CAMK2G: variants seen among roughly 807,000 people sequenced by gnomAD.
The protein encoded by CAMK2G is calcium/calmodulin dependent protein kinase II gamma, also known as calcium/calmodulin-dependent protein kinase type II subunit gamma.
CAMK2G carries 23 observed loss-of-function variants against 88.7 expected under a neutral mutation model. The observed-to-expected ratio is 0.26, with a 90% confidence interval of 0.19 to 0.37. The LOEUF (loss-of-function observed/expected upper bound fraction) is 0.37. Among genes scored for constraint, CAMK2G ranks in the 10% least tolerant of loss-of-function variants. CAMK2G has a pLI of 1.00. For missense variants in CAMK2G, 476 were observed against 780.8 expected (o/e 0.61, Z 4.65); for synonymous variants, 263 against 294.8 (o/e 0.89, Z 1.11).
intron 3 of CAMK2G, among the ~76,000 whole-genome samples, chr10:73,853,792 A>T (rs1168106612): frequency 6.6e-6 from 1 of 152,212 alleles, no homozygotes; most frequent in Non-Finnish European, 1.5e-5. Context: ...CAACAATAAC[A>T]GCTTATTAAG....
chr10:73,842,019 G>A lies in CAMK2G; in HGVS notation c.946+150C>T. ...ATCTCAGGAGCAGGACTCAGCAGCAGCAGCAGCCCCTCAAAACAGGATCCT... is the reference window on the plus strand; with the variant it reads ...ATCTCAGGAGCAGGACTCAGCAGCAACAGCAGCCCCTCAAAACAGGATCCT... On this transcript the variant is annotated intron_variant, in intron 12 of 22. Transcript: ENST00000423381. The surrounding 1 kb of genome is among the most constrained non-coding windows in gnomAD (Gnocchi z 4.6). The A allele has an allele frequency of 4.3e-6, 3 of 702,790 alleles. No individual in the cohort carries two copies. The South Asian group carries it at 4.9e-5, about 11-fold the overall frequency. 43.5% of individuals were successfully genotyped at this position (702,790 alleles called of 1,614,324 possible). A position where few individuals can be genotyped will look rare whatever the true frequency, so the allele number is the denominator to read the frequency against.
chr10:73,816,104 TAA>T, intron 21 of CAMK2G: 1 of 985,418 alleles, frequency 1.0e-6, no homozygotes, highest in Non-Finnish European at 1.2e-6. Context: ...AGGCCCAGCA[TAA>T]AGTGGGAAGA....
intron 14 of CAMK2G, among the ~76,000 whole-genome samples, chr10:73,832,183 T>G (rs1256436062): frequency 6.6e-6 from 1 of 152,224 alleles, no homozygotes; most frequent in Non-Finnish European, 1.5e-5. Context: ...CATCACCTGG[T>G]GAAGTTACTG....
chr10:73,848,580 G>T lies in CAMK2G; in HGVS notation c.547C>A (p.Pro183Thr). The change falls in exon 8 of 23, where the codon CCT becomes ACT. Residue 183 changes from proline to threonine, a missense_variant. Pro to Thr is a conservative substitution (Grantham distance 38). Around this residue, in one of 3 missense-constraint regions of CAMK2G, gnomAD observed 164 missense variants for 385.6 expected, o/e 0.43. Transcript: ENST00000423381. The surrounding 1 kb of genome is among the most constrained non-coding windows in gnomAD (Gnocchi z 4.5). ...TAGGGATCTTTCCTCAAGACCTCAG[G>T]GGACAAGTAACCTGGGGTGCCAGCA... Reference protein sequence around the residue: ...GFAGTPGYLSPEVLRKDPYGK... With the variant: ...GFAGTPGYLSTEVLRKDPYGK... 1 of 1,612,384 alleles carries T rather than the reference G, an allele frequency of 6.2e-7. No homozygotes were observed.
At chr10:73,841,470 A>G (rs1316933306) in intron 12 of CAMK2G, among the ~76,000 whole-genome samples, 1 of 152,142 alleles carries the variant, frequency 6.6e-6, no homozygotes, top group Non-Finnish European at 1.5e-5. Context: ...GAAGGCAAAC[A>G]ATAATAGGGG....
At chr10:73,844,292 T>C (rs1590664532) in intron 10 of CAMK2G, among the ~76,000 whole-genome samples, 1 of 151,716 alleles carries the variant, frequency 6.6e-6, no homozygotes, top group African/African-American at 2.4e-5. Flanking sequence ...GGTTTTGCCA[T>C]GTTGCCCAGG....
At chr10:73,851,104 T>C (rs2094580353) in intron 5 of CAMK2G, among the ~76,000 whole-genome samples, 1 of 152,188 alleles carries the variant, frequency 6.6e-6, no homozygotes, top group African/African-American at 2.4e-5. Flanking sequence ...CACTTGAGAA[T>C]TCTTCCCGAG....
At chr10:73,860,194 T>C (rs535129690) in intron 3 of CAMK2G, among the ~76,000 whole-genome samples, 12 of 152,308 alleles carry the variant, frequency 7.9e-5, no homozygotes, top group Admixed American at 2.0e-4. Context: ...CCAGAGTGGG[T>C]TGAGGCAGGC....
rs549958040 is a variant in CAMK2G, at chr10:73,848,430, G to T, written c.601+96C>A. The T allele has an allele frequency of 2.4e-6, 2 of 820,510 alleles. No homozygotes were observed. The highest frequency in any genetic ancestry group is 5.2e-5 in the East Asian group (2 of 38,514). The allele number at this position is 820,510 out of a possible 1,614,324, so 50.8% of individuals were successfully genotyped here. On this transcript the variant is annotated intron_variant, in intron 8 of 22. Coordinates refer to ENST00000423381, the MANE Select transcript of CAMK2G (RefSeq NM_001367534.1). This position sits in a 1 kb window ranked among gnomAD's most constrained non-coding sequence, Gnocchi z 4.5. ...ATAATTTCACATACACCAGGCACGTGTGTGACCTGCAAGGAATAGCGATGC... is the reference window on the plus strand; with the variant it reads ...ATAATTTCACATACACCAGGCACGTTTGTGACCTGCAAGGAATAGCGATGC...
At chr10:73,841,316 A>T (rs2093764005) in intron 12 of CAMK2G, among the ~76,000 whole-genome samples, 1 of 151,990 alleles carries the variant, frequency 6.6e-6, no homozygotes. Flanking sequence ...GGGAAGGAGA[A>T]GGGGGGGTCT....
intron 2 of CAMK2G, among the ~76,000 whole-genome samples, chr10:73,866,436 T>C (rs1403578130): frequency 6.6e-6 from 1 of 151,816 alleles, no homozygotes; most frequent in Non-Finnish European, 1.5e-5. Context: ...CTCTCAGGGA[T>C]GGGCCTGCTT....
Position 73,849,383 on chromosome 10 carries a change from A to G in CAMK2G, c.342-50T>C, listed in dbSNP as rs551081705. ...TGTTAGCGCAGGGTTAAACCACCTCATCCACATCCACAACCACATGCTGCA... is the reference window on the plus strand; with the variant it reads ...TGTTAGCGCAGGGTTAAACCACCTCGTCCACATCCACAACCACATGCTGCA... On this transcript the variant is annotated intron_variant, in intron 5 of 22. Coordinates refer to ENST00000423381, the MANE Select transcript of CAMK2G (RefSeq NM_001367534.1). 4.1e-5 allele frequency: 53 copies of G among 1,292,988 alleles called. No homozygotes were observed. The South Asian group carries it at 5.9e-4, about 14-fold the overall frequency. 80.1% of individuals were successfully genotyped at this position (1,292,988 alleles called of 1,614,324 possible).
intron 12 of CAMK2G, among the ~76,000 whole-genome samples, chr10:73,840,815 A>C (rs2093716605): frequency 6.6e-6 from 1 of 152,236 alleles, no homozygotes; most frequent in South Asian, 2.1e-4. Context: ...GGCAACACCG[A>C]AACGCCCTTC....
In CAMK2G at chr10:73,848,790, G is replaced by A. The variant is rs1241964399; in HGVS notation, c.518-181C>T. On this transcript the variant is annotated intron_variant, in intron 7 of 22. Transcript: ENST00000423381. This position sits in a 1 kb window ranked among gnomAD's most constrained non-coding sequence, Gnocchi z 4.5. ...GTAGCGCCTGGAATCTGAACCAGAC[G>A]GCAAAGCCGTATGCCTACCAGGAAC... Among the ~76,000 whole-genome samples the A allele has an allele frequency of 1.3e-5, 2 of 152,264 alleles. No individual in the cohort carries two copies. The highest frequency in any genetic ancestry group is 6.5e-5 in the Admixed American group (1 of 15,290).
chr10:73,832,522 GTCTCGA>G (rs774599871), intron 14 of CAMK2G, among the ~76,000 whole-genome samples: 1 of 152,044 alleles, frequency 6.6e-6, no homozygotes, highest in African/African-American at 2.4e-5. Context: ...GGCCAGGCTG[GTCTCGA>G]TCTCCTGACC....
At chr10:73,859,862 G>A (rs996841067) in intron 3 of CAMK2G, among the ~76,000 whole-genome samples, 1 of 152,238 alleles carries the variant, frequency 6.6e-6, no homozygotes, top group Non-Finnish European at 1.5e-5. Context: ...GGGCTGGGTA[G>A]CTCTGAAGGA....
chr10:73,820,490 ATATTTTTT>A (rs1448246879), intron 18 of CAMK2G, among the ~76,000 whole-genome samples: 841 of 53,114 alleles, frequency 0.016, 4 homozygotes, highest in Middle Eastern at 0.069. Flanking sequence ...ATATATATAT[ATATTTTTT>A]TTTTTTTTTT....
intron 14 of CAMK2G, among the ~76,000 whole-genome samples, chr10:73,829,694 T>C (rs1446235699): frequency 9.4e-6 from 1 of 106,358 alleles, no homozygotes; most frequent in African/African-American, 3.8e-5. Flanking sequence ...TATATATAAG[T>C]AGTGGGGTGT....
intron 14 of CAMK2G, among the ~76,000 whole-genome samples, chr10:73,829,794 T>C (rs1349612765): frequency 6.6e-6 from 1 of 151,954 alleles, no homozygotes; most frequent in African/African-American, 2.4e-5. Context: ...GTTCCTATCT[T>C]ATGTGTCTTT....
Sources: allele counts gnomAD v4.1 joint callset (sites outside exome capture counted in the v4.1 genomes callset), GRCh38; gene constraint gnomAD v4.1.1; regional missense constraint gnomAD v4.1.1; non-coding constraint Gnocchi (gnomAD v3.1); transcripts MANE v1.5; gene names NCBI Gene and HGNC (gene_info 2026-07-23, HGNC 2026-07-21).